Variants in RPS6KC1 observed in about 807,000 individuals in gnomAD.
The protein encoded by RPS6KC1 is ribosomal protein S6 kinase C1.
Under a neutral mutation model 103.8 loss-of-function variants are expected in RPS6KC1, and 54 were observed. The ratio of observed to expected loss-of-function variants is 0.52; its 90% CI spans 0.42 to 0.65. The LOEUF (loss-of-function observed/expected upper bound fraction) is 0.65, where lower values mean the gene tolerates loss of function less well. RPS6KC1 is among the 30% of genes least tolerant of loss of function. RPS6KC1 has a pLI of 0.00. For synonymous variants in RPS6KC1, 439 were observed against 438.7 expected (o/e 1.00, Z -0.01); for missense variants, 1,151 against 1,253.8 (o/e 0.92, Z 1.24).
chr1:213,452,421 G>A, the RPS6KC1 span, among the ~76,000 whole-genome samples: 8 of 151,306 alleles, frequency 5.3e-5, no homozygotes, highest in East Asian at 1.9e-4. Context: ...TGGCATCCAC[G>A]GGTGGGTGGG....
At chr1:213,173,300 A>T (rs1213337085) in intron 7 of RPS6KC1, among the ~76,000 whole-genome samples, 2 of 152,232 alleles carry the variant, frequency 1.3e-5, no homozygotes, top group African/African-American at 4.8e-5. Flanking sequence ...TGGTTAAAGT[A>T]AAAAGAGAAC....
At chr1:213,279,360 T>G (rs993362929), downstream of RPS6KC1, among the ~76,000 whole-genome samples, 1 of 152,174 alleles carries the variant, frequency 6.6e-6, no homozygotes, top group African/African-American at 2.4e-5. Flanking sequence ...GCTTTCCCTT[T>G]TTCTTGAAGT....
At chr1:213,086,805 AT>A (rs1463089176) in intron 3 of RPS6KC1, among the ~76,000 whole-genome samples, 1 of 152,136 alleles carries the variant, frequency 6.6e-6, no homozygotes, top group Non-Finnish European at 1.5e-5. Context: ...ACCTCTAATC[AT>A]TTGCAAACCT....
At chr1:213,327,236 AAAAGAAAG>A in the RPS6KC1 span, among the ~76,000 whole-genome samples, 11 of 144,692 alleles carry the variant, frequency 7.6e-5, no homozygotes, top group Middle Eastern at 3.4e-3. Flanking sequence ...GAAAGAAAAG[AAAAGAAAG>A]AAAGAAAGAA....
the RPS6KC1 span, among the ~76,000 whole-genome samples, chr1:213,433,301 C>T: frequency 4.5e-4 from 69 of 152,340 alleles, no homozygotes; most frequent in African/African-American, 1.6e-3. Flanking sequence ...GTGATTGGAT[C>T]AAGTCTACCC....
chr1:213,712,718 A>G, the RPS6KC1 span, among the ~76,000 whole-genome samples: 18 of 152,154 alleles, frequency 1.2e-4, no homozygotes, highest in Admixed American at 8.5e-4. Flanking sequence ...GCCGGATACC[A>G]CCGTCCCTCA....
the RPS6KC1 span, among the ~76,000 whole-genome samples, chr1:213,552,889 A>G: frequency 6.6e-6 from 1 of 151,992 alleles, no homozygotes; most frequent in Non-Finnish European, 1.5e-5. Flanking sequence ...TCTCCCTTCT[A>G]CCTTCAAGCA....
the RPS6KC1 span, among the ~76,000 whole-genome samples, chr1:213,494,483 G>A: frequency 5.9e-5 from 9 of 152,030 alleles, no homozygotes; most frequent in African/African-American, 9.7e-5. Flanking sequence ...GCGGTACTTA[G>A]AAACAAAAGG....
chr1:213,286,892 C>G, the RPS6KC1 span, among the ~76,000 whole-genome samples: 1 of 152,116 alleles, frequency 6.6e-6, no homozygotes, highest in Non-Finnish European at 1.5e-5. Context: ...ACAGAAGGCA[C>G]AGAAACATGT....
At chr1:213,661,157 A>T in the RPS6KC1 span, among the ~76,000 whole-genome samples, 1 of 152,206 alleles carries the variant, frequency 6.6e-6, no homozygotes, top group East Asian at 1.9e-4. Flanking sequence ...CTACCCTAGC[A>T]AATGGGGAAT....
the RPS6KC1 span, among the ~76,000 whole-genome samples, chr1:213,632,279 A>G: frequency 6.6e-6 from 1 of 152,146 alleles, no homozygotes; most frequent in African/African-American, 2.4e-5. Flanking sequence ...ACCAAGGGGT[A>G]TCCCCATTCC....
chr1:213,181,038 T>G (rs1488922790), intron 8 of RPS6KC1, among the ~76,000 whole-genome samples: 2 of 152,112 alleles, frequency 1.3e-5, no homozygotes, highest in African/African-American at 4.8e-5. Context: ...GGAAGCTGGG[T>G]GAAGGGTACA....
At chr1:213,364,198 A>T in the RPS6KC1 span, among the ~76,000 whole-genome samples, 4,695 of 152,292 alleles carry the variant, frequency 0.031, 254 homozygotes, top group African/African-American at 0.11. Flanking sequence ...TTACAAAAAC[A>T]GGCAGTGGCC....
chr1:213,075,376 A>G (rs1032626469), intron 2 of RPS6KC1, among the ~76,000 whole-genome samples: 1 of 152,180 alleles, frequency 6.6e-6, no homozygotes, highest in Admixed American at 6.5e-5. Context: ...TATAAAAATA[A>G]CAATTTTTTG....
the RPS6KC1 span, among the ~76,000 whole-genome samples, chr1:213,598,188 C>T: frequency 6.6e-6 from 1 of 152,170 alleles, no homozygotes; most frequent in South Asian, 2.1e-4. Flanking sequence ...TGCCATGACT[C>T]CTCTTTTGTA....
chr1:213,288,350 A>G, the RPS6KC1 span, among the ~76,000 whole-genome samples: 341 of 152,350 alleles, frequency 2.2e-3, 2 homozygotes, highest in Non-Finnish European at 4.0e-3. Flanking sequence ...TTGCATACAA[A>G]GAATTTCAGG....
intron 8 of RPS6KC1, among the ~76,000 whole-genome samples, chr1:213,224,141 AATC>A (rs2093904843): frequency 1.3e-5 from 2 of 152,214 alleles, no homozygotes; most frequent in Admixed American, 6.5e-5. Context: ...GCTTAAAAAT[AATC>A]ATCATTTGAT....
chr1:213,391,867 G>C, the RPS6KC1 span, among the ~76,000 whole-genome samples: 1 of 152,138 alleles, frequency 6.6e-6, no homozygotes, highest in Non-Finnish European at 1.5e-5. Flanking sequence ...GGCCAAATAT[G>C]TGTTAATTGT....
At chr1:213,287,492 G>A in the RPS6KC1 span, among the ~76,000 whole-genome samples, 9 of 152,224 alleles carry the variant, frequency 5.9e-5, no homozygotes, top group East Asian at 7.7e-4. Context: ...GTCCTTGTGC[G>A]GTGTACAACA....
Sources: gnomAD v4.1 joint callset for allele counts (sites outside exome capture counted in the v4.1 genomes callset) on GRCh38, gnomAD v4.1.1 for gene constraint, MANE v1.5 for transcripts, NCBI Gene and HGNC (gene_info 2026-07-23, HGNC 2026-07-21) for gene names.